The following SHROOM4 variants were observed in gnomAD, a reference collection of about 807,000 sequenced individuals.
SHROOM4 encodes the protein shroom family member 4, also known as protein Shroom4.
Under a neutral mutation model 80.3 loss-of-function variants are expected in SHROOM4, and 17 were observed. The ratio of observed to expected loss-of-function variants is 0.21; its 90% confidence interval spans 0.14 to 0.32. The LOEUF is 0.32. Ranked by LOEUF, SHROOM4 falls within the 10% of genes least tolerant of loss-of-function variation. SHROOM4 has a pLI of 1.00. For synonymous variants in SHROOM4, 400 were observed against 437.5 expected, an observed-to-expected ratio of 0.91 and a Z score of 1.07; for missense variants, 993 against 1,140.3, an observed-to-expected ratio of 0.87 and a Z score of 1.86.
intron 2 of SHROOM4, among the ~76,000 whole-genome samples, chrX:50,683,958 T>C (rs1244150866): frequency 2.7e-5 from 3 of 111,153 alleles, no homozygotes; most frequent in African/African-American, 3.3e-5. Flanking sequence ...AAAAAAGGAA[T>C]AGACAAGAGA....
intron 2 of SHROOM4, among the ~76,000 whole-genome samples, chrX:50,685,345 A>G (rs1260323957): frequency 9.0e-6 from 1 of 111,595 alleles, no homozygotes; most frequent in Non-Finnish European, 1.9e-5. Flanking sequence ...TGGTTGGGTA[A>G]GGGTTAATGT....
At position 50,638,301 on chromosome X, in the gene SHROOM4, C is replaced by T. The variant is rs145605338; in HGVS notation, c.277G>A (p.Ala93Thr). The change falls in exon 3 of 9, where the codon GCC becomes ACC. Residue 93 changes from alanine (A) to threonine (T), a missense_variant. Ala to Thr is a moderately conservative substitution (Grantham distance 58). Coordinates refer to ENST00000376020, the MANE Select transcript of SHROOM4 (RefSeq NM_020717.5). Reference protein sequence around the residue: ...ILKLIVRRRNAPVSRPHSWHV... With the variant: ...ILKLIVRRRNTPVSRPHSWHV... ...CATGAGTGCGGCCTACTGACAGGGG[C>T]GTTCCTCCTACAGCAAGAAAGGGAC... The T allele has an allele frequency of 4.0e-5, 48 of 1,210,235 alleles. No individual in the cohort carries two copies. The African/African-American group carries it at 7.1e-4, about 18-fold the overall frequency.
intron 2 of SHROOM4, among the ~76,000 whole-genome samples, chrX:50,657,634 G>T (rs989148380): frequency 9.1e-6 from 1 of 110,360 alleles, no homozygotes; most frequent in Non-Finnish European, 1.9e-5. Context: ...GCGAAGGTGG[G>T]GGTAGGTGAA....
rs1928906668 is a variant in SHROOM4, at chrX:50,592,001, G to A, written c.*4694C>T. The stretch of plus-strand genomic sequence containing the variant: ...CAAAGTGCTGGGATTTCAGGCGTGA[G>A]CCACCATGCCCGGCCGGAACTGTTT... On this transcript the variant is annotated 3_prime_UTR_variant, in exon 9 of 9. Transcript: ENST00000376020. 1 of 327,554 alleles carries A rather than the reference G, an allele frequency of 3.1e-6. No homozygotes were observed. Among genetic ancestry groups the A allele is most frequent in the Admixed American group, 3.1e-5 (1 of 31,932 alleles). The allele number at this position is 327,554 out of a possible 1,213,427, so 27.0% of individuals were successfully genotyped here.
At chrX:50,800,547 TC>T (rs1448247621) in intron 1 of SHROOM4, among the ~76,000 whole-genome samples, 1 of 110,733 alleles carries the variant, frequency 9.0e-6, no homozygotes, top group Non-Finnish European at 1.9e-5. Flanking sequence ...GAAGGTTAGG[TC>T]CTATGGAGAG....
At chrX:50,620,489 G>C (rs965646630) in intron 5 of SHROOM4, among the ~76,000 whole-genome samples, 2 of 110,891 alleles carry the variant, frequency 1.8e-5, no homozygotes, top group Admixed American at 9.6e-5. Flanking sequence ...TATTTCCTTG[G>C]GGGTATTTTA....
intron 1 of SHROOM4, among the ~76,000 whole-genome samples, chrX:50,792,518 A>AG (rs1557271653): frequency 9.1e-6 from 1 of 110,204 alleles, no homozygotes; most frequent in East Asian, 2.8e-4. Flanking sequence ...GAAAAAAAAA[A>AG]AAGAAAAGGC....
chrX:50,811,505 T>C (rs1322538553), intron 1 of SHROOM4, among the ~76,000 whole-genome samples: 5 of 111,464 alleles, frequency 4.5e-5, no homozygotes, highest in South Asian at 3.8e-4. Flanking sequence ...ATCTTTCTAT[T>C]ACCTTCCACC....
chrX:50,747,303 A>C (rs1557267685), intron 1 of SHROOM4, among the ~76,000 whole-genome samples: 2 of 111,915 alleles, frequency 1.8e-5, no homozygotes, highest in African/African-American at 6.5e-5. Context: ...TATTGCTTTT[A>C]TACAAGCCTA....
At chrX:50,668,387 C>CCCT (rs1932754109) in intron 2 of SHROOM4, among the ~76,000 whole-genome samples, 1 of 111,420 alleles carries the variant, frequency 9.0e-6, no homozygotes, top group Non-Finnish European at 1.9e-5. Flanking sequence ...CAAGCAGCCT[C>CCCT]CCTCCTCAGG....
chrX:50,765,992 C>A (rs1409702685), intron 1 of SHROOM4, among the ~76,000 whole-genome samples: 3 of 111,941 alleles, frequency 2.7e-5, no homozygotes, highest in African/African-American at 6.5e-5. Context: ...ACCGTCATCA[C>A]CCTGTCTTGC....
At chrX:50,787,771 GA>G (rs142352201) in intron 1 of SHROOM4, among the ~76,000 whole-genome samples, 6 of 99,424 alleles carry the variant, frequency 6.0e-5, no homozygotes, top group African/African-American at 1.8e-4. Context: ...AGCGCTAAAA[GA>G]AAAAAAAAAA....
chrX:50,780,672 C>T (rs1935607621), intron 1 of SHROOM4, among the ~76,000 whole-genome samples: 1 of 111,219 alleles, frequency 9.0e-6, no homozygotes, highest in African/African-American at 3.3e-5. Context: ...ACTTTTGGCC[C>T]CAAATAGATC....
chrX:50,801,381 A>C (rs1191804097), intron 1 of SHROOM4, among the ~76,000 whole-genome samples: 1 of 110,442 alleles, frequency 9.1e-6, no homozygotes, highest in Non-Finnish European at 1.9e-5. Flanking sequence ...ACTTAGACTA[A>C]AGTTCAGCCT....
intron 2 of SHROOM4, among the ~76,000 whole-genome samples, chrX:50,648,660 T>C (rs17003380): frequency 0.017 from 1,930 of 112,050 alleles, 47 homozygotes; most frequent in African/African-American, 0.059. Context: ...CTGAGCTGAT[T>C]TTGGAAGAGT....
intron 2 of SHROOM4, among the ~76,000 whole-genome samples, chrX:50,660,525 TCTCCCTCCCTCC>T (rs782232863): frequency 1.5e-5 from 1 of 67,901 alleles, no homozygotes; most frequent in African/African-American, 5.3e-5. Flanking sequence ...TCTCTCTCTC[TCTCCCTCCCTCC>T]CTCCCTCCCT....
At chrX:50,792,252 A>C (rs782691909) in intron 1 of SHROOM4, among the ~76,000 whole-genome samples, 47 of 112,323 alleles carry the variant, frequency 4.2e-4, no homozygotes, top group Non-Finnish European at 8.3e-4. Flanking sequence ...TAATTCCAGC[A>C]CTTTGGGAGG....
At chrX:50,771,956 G>A (rs1935403261) in intron 1 of SHROOM4, among the ~76,000 whole-genome samples, 1 of 111,131 alleles carries the variant, frequency 9.0e-6, no homozygotes, top group African/African-American at 3.3e-5. Context: ...CGTATTGTTA[G>A]TTGTAAAAAC....
At chrX:50,600,282 A>G (rs959785231) in intron 7 of SHROOM4, among the ~76,000 whole-genome samples, 2 of 111,815 alleles carry the variant, frequency 1.8e-5, no homozygotes, top group East Asian at 5.6e-4. Flanking sequence ...CAAGGTTATG[A>G]CAAGAATGGC....
Sources: allele counts gnomAD v4.1 joint callset (sites outside exome capture counted in the v4.1 genomes callset), GRCh38; gene constraint gnomAD v4.1.1; transcripts MANE v1.5; gene names NCBI Gene and HGNC (gene_info 2026-07-23, HGNC 2026-07-21).